PTPRE: variants seen among roughly 807,000 people sequenced by gnomAD.
The protein encoded by PTPRE is protein tyrosine phosphatase receptor type E.
A neutral mutation model predicts 102.0 loss-of-function variants in PTPRE; 51 were observed. The observed-to-expected ratio is 0.50, with a 90% CI of 0.40 to 0.63. PTPRE has a LOEUF of 0.63. PTPRE is among the 30% of genes least tolerant of loss of function. The pLI is 0.00. For synonymous variants in PTPRE, 345 were observed against 348.2 expected, an observed-to-expected ratio of 0.99 and a Z score of 0.10; for missense variants, 752 against 915.1, an observed-to-expected ratio of 0.82 and a Z score of 2.30.
Position 128,077,620 on chromosome 10 carries a change from C to T in PTPRE, c.1729C>T (p.Gln577Ter). The T allele has an allele frequency of 6.2e-7, 1 of 1,606,526 alleles. No homozygotes were observed. Among genetic ancestry groups the T allele is most frequent in the Non-Finnish European group, 8.5e-7 (1 of 1,174,588 alleles). The change falls in exon 19 of 21, where the codon CAG becomes TAG. Residue 577 changes from glutamine (Q) to a stop codon, truncating the protein, a stop_gained. Coordinates refer to ENST00000254667, the MANE Select transcript of PTPRE (RefSeq NM_006504.6). LOFTEE classifies it high-confidence loss of function. ...RDFLVTLNQPQARQEEQVRVV... is the reference protein window; with the variant it reads ...RDFLVTLNQP ...AGACCCCCTCTCCTCCCTGCAGCCC[C>T]AGGCCCGCCAGGAGGAGCAGGTCCG...
chr10:127,968,811 A>G (rs1564836347), intron 1 of PTPRE, among the ~76,000 whole-genome samples: 1 of 152,262 alleles, frequency 6.6e-6, no homozygotes, highest in Non-Finnish European at 1.5e-5. Flanking sequence ...AGACCATAGT[A>G]TAAATGCCAG....
chr10:127,925,141 C>T (rs967590599), intron 1 of PTPRE, among the ~76,000 whole-genome samples: 9 of 152,214 alleles, frequency 5.9e-5, no homozygotes, highest in African/African-American at 2.2e-4. Context: ...GGATGTTGGC[C>T]ATGGACAGGA....
chr10:128,038,841 G>A (rs773875778), intron 2 of PTPRE, among the ~76,000 whole-genome samples: 88 of 152,210 alleles, frequency 5.8e-4, no homozygotes, highest in African/African-American at 2.1e-3. Context: ...GGACAGACCC[G>A]GGCTCCAGCT....
chr10:128,069,771 G>A lies in PTPRE; in HGVS notation c.1087G>A (p.Val363Met). ...AMMHAEQKVD[V>M]FEFVSRIRNQ... ...GATGCACGCGGAGCAGAAGGTGGAT[G>A]TGTTTGAATTTGTGTCTCGAATCCG... Residue 363 changes from valine to methionine, a missense_variant, in exon 13 of 21, where the codon GTG becomes ATG. Coordinates refer to ENST00000254667, the MANE Select transcript of PTPRE (RefSeq NM_006504.6). The A allele has an allele frequency of 6.2e-7, 1 of 1,614,250 alleles. No homozygotes were observed. Among genetic ancestry groups the A allele is most frequent in the Non-Finnish European group, 8.5e-7 (1 of 1,180,046 alleles).
At chr10:127,954,855 C>T (rs561226331) in intron 1 of PTPRE, among the ~76,000 whole-genome samples, 31 of 152,072 alleles carry the variant, frequency 2.0e-4, no homozygotes, top group Middle Eastern at 6.8e-3. Context: ...GCTTCCCGTT[C>T]CCATGACTGT....
At chr10:127,912,341 G>A (rs939421683) in intron 1 of PTPRE, among the ~76,000 whole-genome samples, 1 of 152,134 alleles carries the variant, frequency 6.6e-6, no homozygotes, top group African/African-American at 2.4e-5. Flanking sequence ...GATTCCCAAT[G>A]AAATAGGGGC....
chr10:128,067,463 T>G (rs989161954), intron 11 of PTPRE, among the ~76,000 whole-genome samples: 5 of 150,660 alleles, frequency 3.3e-5, no homozygotes, highest in Non-Finnish European at 7.4e-5. Context: ...CATGCATACA[T>G]GTGCACACAT....
Position 127,907,321 on chromosome 10 carries a change from T to G in PTPRE, c.-31+12T>G, listed in dbSNP as rs1016211533. On this transcript the variant is annotated intron_variant, in intron 1 of 20. Coordinates refer to ENST00000254667, the MANE Select transcript of PTPRE (RefSeq NM_006504.6). The surrounding 1 kb of genome is among the most constrained non-coding windows in gnomAD (Gnocchi z 4.8). ...CCGGCCCCCCCGAGGTGAGCGCGCG[T>G]GCGGACAGGGACCCTGCGCCCCTGT... 4.1e-6 allele frequency: 4 copies of G among 984,248 alleles called. No homozygotes were observed. In the African/African-American group the frequency reaches 7.0e-5, roughly 17 times the overall value. 61.0% of individuals were successfully genotyped at this position (984,248 alleles called of 1,614,324 possible).
At chr10:128,080,499 C>T (rs1851610910) in intron 20 of PTPRE, among the ~76,000 whole-genome samples, 1 of 152,246 alleles carries the variant, frequency 6.6e-6, no homozygotes, top group Non-Finnish European at 1.5e-5. Flanking sequence ...TGTCCATCCA[C>T]ACCCAACGAC....
At chr10:127,978,202 A>G (rs941900353) in intron 1 of PTPRE, among the ~76,000 whole-genome samples, 3 of 152,176 alleles carry the variant, frequency 2.0e-5, no homozygotes, top group African/African-American at 7.2e-5. Flanking sequence ...GGGAGGAAGG[A>G]GATATAGACA....
chr10:127,930,061 C>CAAAAAAAAAAAAAAAAAAA (rs941241176), intron 1 of PTPRE, among the ~76,000 whole-genome samples: 1 of 72,888 alleles, frequency 1.4e-5, no homozygotes, highest in Non-Finnish European at 2.8e-5. Flanking sequence ...GATTCCATCT[C>CAAAAAAAAAAAAAAAAAAA]AAAAAAAAAA....
intron 5 of PTPRE, among the ~76,000 whole-genome samples, chr10:128,048,325 G>A (rs977936211): frequency 2.0e-5 from 3 of 152,104 alleles, no homozygotes; most frequent in African/African-American, 4.8e-5. Context: ...ACTTGTTGTC[G>A]CTACTTACAA....
At chr10:127,925,380 T>C (rs1846926996) in intron 1 of PTPRE, among the ~76,000 whole-genome samples, 1 of 152,198 alleles carries the variant, frequency 6.6e-6, no homozygotes, top group Admixed American at 6.5e-5. Context: ...CCAAACAGTA[T>C]GTATGGGTGA....
chr10:127,948,681 T>G (rs1044226610), intron 1 of PTPRE, among the ~76,000 whole-genome samples: 4 of 152,258 alleles, frequency 2.6e-5, no homozygotes, highest in Non-Finnish European at 5.9e-5. Flanking sequence ...TTTCATGAGT[T>G]GATAGTTCAT....
intron 1 of PTPRE, among the ~76,000 whole-genome samples, chr10:127,959,316 T>TCATTCATTCATTTGTA (rs1193399896): frequency 6.6e-6 from 1 of 152,264 alleles, no homozygotes; most frequent in Non-Finnish European, 1.5e-5. Context: ...ATGCATTCAC[T>TCATTCATTCATTTGTA]CATTCATTCA....
intron 1 of PTPRE, among the ~76,000 whole-genome samples, chr10:127,972,107 C>A (rs1850790864): frequency 6.6e-6 from 1 of 152,138 alleles, no homozygotes; most frequent in African/African-American, 2.4e-5. Context: ...CATGATGCTG[C>A]CTGACCATGA....
intron 1 of PTPRE, among the ~76,000 whole-genome samples, chr10:127,975,170 G>A (rs1483866959): frequency 6.6e-6 from 1 of 152,148 alleles, no homozygotes; most frequent in African/African-American, 2.4e-5. Context: ...GAAGCAGGGG[G>A]ACTGTGCTGT....
intron 6 of PTPRE, 115 bp downstream of exon 6, chr10:128,049,781 C>A: frequency 6.8e-7 from 1 of 1,460,164 alleles, no homozygotes; most frequent in East Asian, 2.4e-5. Context: ...TCAGTTATGA[C>A]ACTGTCCCAT....
intron 1 of PTPRE, among the ~76,000 whole-genome samples, chr10:127,959,645 A>T (rs1397673339): frequency 6.6e-6 from 1 of 152,234 alleles, no homozygotes; most frequent in Non-Finnish European, 1.5e-5. Flanking sequence ...AAAGCCACAC[A>T]CTTTTCAACG....
Sources: gnomAD v4.1 joint callset for allele counts (sites outside exome capture counted in the v4.1 genomes callset) on GRCh38, gnomAD v4.1.1 for gene constraint, Gnocchi (gnomAD v3.1) non-coding constraint, MANE v1.5 for transcripts, NCBI Gene and HGNC (gene_info 2026-07-23, HGNC 2026-07-21) for gene names.